The following NAA60 variants were observed in gnomAD, a reference collection of about 807,000 sequenced individuals.
NAA60 encodes N-alpha-acetyltransferase 60.
Under a neutral mutation model 26.1 loss-of-function variants are expected in NAA60, and 8 were observed. That is an observed-to-expected ratio of 0.31 (90% CI 0.18 to 0.55). The LOEUF (loss-of-function observed/expected upper bound fraction) is 0.55. NAA60 is among the 20% of genes least tolerant of loss of function. NAA60 has a pLI of 0.93. For missense variants in NAA60, 290 were observed against 311.3 expected (o/e 0.93, Z 0.51); for synonymous variants, 131 against 122.5 (o/e 1.07, Z -0.46).
intron 5 of NAA60, chr16:3,482,993 A>G (rs1330082055): frequency 6.4e-6 from 3 of 466,696 alleles, no homozygotes; most frequent in Non-Finnish European, 1.2e-5. Flanking sequence ...CCGATGTCCC[A>G]CCCCACTCGG....
At chr16:3,453,944 G>A (rs2034880710) in intron 2 of NAA60, among the ~76,000 whole-genome samples, 1 of 152,124 alleles carries the variant, frequency 6.6e-6, no homozygotes, top group Admixed American at 6.6e-5. Context: ...TCCAGAGCAG[G>A]GCATGGGTTT....
chr16:3,485,513 C>G lies in NAA60; in HGVS notation c.*253C>G. 2 of 456,006 alleles carry G rather than the reference C, an allele frequency of 4.4e-6. No individual in the cohort carries two copies. Among genetic ancestry groups the G allele is most frequent in the Non-Finnish European group, 8.8e-6 (2 of 226,652 alleles). 28.2% of individuals were successfully genotyped at this position (456,006 alleles called of 1,614,324 possible). A position where few individuals can be genotyped will look rare whatever the true frequency, so the allele number is the denominator to read the frequency against. On this transcript the variant is annotated 3_prime_UTR_variant, in exon 8 of 8. Transcript: ENST00000407558. The stretch of plus-strand genomic sequence containing the variant: ...CTTCTGGAAACCTCTGCCTGCTGCC[C>G]TGGCCCTGCCCCCCTGCGCATGCAC...
At chr16:3,449,384 G>C (rs1398339783) in intron 2 of NAA60, among the ~76,000 whole-genome samples, 1 of 152,128 alleles carries the variant, frequency 6.6e-6, no homozygotes, top group African/African-American at 2.4e-5. Context: ...TGGGCGTGGT[G>C]GTGGGCACCT....
At chr16:3,453,713 T>G (rs746948554) in intron 2 of NAA60, among the ~76,000 whole-genome samples, 1 of 152,182 alleles carries the variant, frequency 6.6e-6, no homozygotes, top group African/African-American at 2.4e-5. Flanking sequence ...CAGCTAATAA[T>G]AATAATTTGA....
intron 4 of NAA60, among the ~76,000 whole-genome samples, chr16:3,481,711 G>T (rs114820811): frequency 2.3e-4 from 35 of 152,292 alleles, no homozygotes; most frequent in African/African-American, 7.9e-4. Context: ...GTCAGCTGGG[G>T]AACAGACACC....
chr16:3,450,741 G>C (rs1193495586), intron 2 of NAA60, among the ~76,000 whole-genome samples: 2 of 150,064 alleles, frequency 1.3e-5, no homozygotes, highest in African/African-American at 2.5e-5. Flanking sequence ...TGTGATCCAA[G>C]GGAAAGCATA....
chr16:3,475,253 T>A (rs2036407152), intron 2 of NAA60, among the ~76,000 whole-genome samples: 1 of 152,000 alleles, frequency 6.6e-6, no homozygotes, highest in South Asian at 2.1e-4. Flanking sequence ...CCAAGCCTGG[T>A]TAATTTTTGT....
rs2034437551 is a variant in NAA60, at chr16:3,443,814, T to A, written c.-100T>A. 6.5e-7 allele frequency: 1 copy of A among 1,534,678 alleles called. No individual in the cohort carries two copies. Among genetic ancestry groups the A allele is most frequent in the Non-Finnish European group, 8.7e-7 (1 of 1,146,432 alleles). ...AAAGAAGACTGGGAGACACCGGAAC[T>A]CGAAAGAAAATCGGTAACAAAATGT... On this transcript the variant is annotated 5_prime_UTR_variant, in exon 1 of 8. Transcript: ENST00000407558.
intron 2 of NAA60, among the ~76,000 whole-genome samples, chr16:3,460,839 G>A (rs1333511281): frequency 6.6e-6 from 1 of 152,212 alleles, no homozygotes; most frequent in African/African-American, 2.4e-5. Flanking sequence ...TTCAAATGCC[G>A]AATTTGATTC....
intron 1 of NAA60, among the ~76,000 whole-genome samples, chr16:3,446,077 A>G (rs916084353): frequency 6.6e-6 from 1 of 152,218 alleles, no homozygotes; most frequent in South Asian, 2.1e-4. Flanking sequence ...ATCTTTTGCA[A>G]GTTTTTCCAT....
intron 2 of NAA60, among the ~76,000 whole-genome samples, chr16:3,459,546 C>T (rs984811945): frequency 6.6e-6 from 1 of 152,204 alleles, no homozygotes; most frequent in Non-Finnish European, 1.5e-5. Context: ...GAAGGCTAGT[C>T]TTCATCTCCC....
chr16:3,452,050 C>CA (rs1486987741), intron 2 of NAA60, among the ~76,000 whole-genome samples: 5 of 151,128 alleles, frequency 3.3e-5, no homozygotes, highest in Admixed American at 1.3e-4. Context: ...TCTGCCTCTA[C>CA]AAAAAATAAA....
intron 4 of NAA60, among the ~76,000 whole-genome samples, chr16:3,480,439 A>C (rs1393225708): frequency 6.8e-6 from 1 of 147,636 alleles, no homozygotes; most frequent in African/African-American, 2.5e-5. Flanking sequence ...TCTACTAAAA[A>C]TACAAAAATT....
At chr16:3,482,422 G>A (rs995293591) in intron 4 of NAA60, 80 bp from the exon 5 acceptor site, 23 of 1,185,482 alleles carry the variant, frequency 1.9e-5, no homozygotes, top group Non-Finnish European at 2.6e-5. Context: ...AAGTCGGTGC[G>A]GAGCCCGCCT....
At chr16:3,470,460 G>A (rs531164382) in intron 2 of NAA60, among the ~76,000 whole-genome samples, 1 of 152,360 alleles carries the variant, frequency 6.6e-6, no homozygotes, top group South Asian at 2.1e-4. Context: ...GACCCAGGGC[G>A]TCAGCAGGAA....
At chr16:3,446,727 C>T (rs1023198765) in intron 1 of NAA60, among the ~76,000 whole-genome samples, 8 of 151,554 alleles carry the variant, frequency 5.3e-5, no homozygotes, top group African/African-American at 1.9e-4. Flanking sequence ...TCTTGTGCCT[C>T]AGCTACCAGA....
intron 2 of NAA60, among the ~76,000 whole-genome samples, chr16:3,458,713 C>T (rs1006568760): frequency 6.6e-6 from 1 of 152,136 alleles, no homozygotes; most frequent in Non-Finnish European, 1.5e-5. Flanking sequence ...CCGTCTAGGT[C>T]TCCTCCTAGT....
intron 2 of NAA60, among the ~76,000 whole-genome samples, chr16:3,465,078 T>C (rs2035653970): frequency 6.7e-6 from 1 of 150,348 alleles, no homozygotes; most frequent in South Asian, 2.1e-4. Flanking sequence ...CCATCCTGGC[T>C]AACAGGGTGA....
chr16:3,453,443 C>A (rs1428114241), intron 2 of NAA60, among the ~76,000 whole-genome samples: 1 of 152,016 alleles, frequency 6.6e-6, no homozygotes, highest in East Asian at 1.9e-4. Flanking sequence ...CAGAGTTTCG[C>A]TCTCGTCCAG....
Sources: allele counts gnomAD v4.1 joint callset (sites outside exome capture counted in the v4.1 genomes callset), GRCh38; gene constraint gnomAD v4.1.1; transcripts MANE v1.5; gene names NCBI Gene and HGNC (gene_info 2026-07-23, HGNC 2026-07-21).